The following NUMA1 variants were observed in gnomAD, a reference collection of about 807,000 sequenced individuals.
NUMA1 encodes nuclear mitotic apparatus protein 1.
NUMA1 carries 62 observed loss-of-function variants against 237.1 expected under a neutral mutation model. The observed-to-expected ratio is 0.26, with a 90% CI of 0.21 to 0.32. The LOEUF (loss-of-function observed/expected upper bound fraction) is 0.32, where lower values mean the gene tolerates loss of function less well. NUMA1 is among the 10% of genes least tolerant of loss of function. The pLI is 1.00. For synonymous variants in NUMA1, 1,028 were observed against 1,066.1 expected, an observed-to-expected ratio of 0.96 and a Z score of 0.70; for missense variants, 2,533 against 2,666.5, an observed-to-expected ratio of 0.95 and a Z score of 1.10.
chr11:72,013,031 A>G lies in NUMA1; in HGVS notation c.4472T>C (p.Leu1491Pro). The G allele has an allele frequency of 6.2e-7, 1 of 1,614,206 alleles. No individual in the cohort carries two copies. The highest frequency in any genetic ancestry group is 1.1e-5 in the South Asian group (1 of 91,082). ...AAVRADAETRLAEVQREAQST... is the reference protein window; with the variant it reads ...AAVRADAETRPAEVQREAQST... ...CTGTGCTTCTCGCTGCACCTCAGCC[A>G]GACGGGTCTCAGCATCAGCACGTAC... The change falls in exon 15 of 27, where the codon CTG (leucine) becomes CCG (proline). Residue 1491 changes from leucine (L) to proline (P), a missense_variant. By Grantham distance (98) the Leu-to-Pro change is moderately conservative. This residue lies in a region of NUMA1 where 324 missense variants were observed against 407.6 expected (regional missense o/e 0.79). Transcript: ENST00000393695. This position sits in a 1 kb window ranked among gnomAD's most constrained non-coding sequence, Gnocchi z 6.8.
At chr11:72,004,549 G>T (rs1259828250) in intron 24 of NUMA1, 91 bp downstream of exon 24, 1 of 1,358,056 alleles carries the variant, frequency 7.4e-7, no homozygotes, top group Non-Finnish European at 1.0e-6. Flanking sequence ...GGAAGTGAGG[G>T]AAGGAGAGAG....
intron 2 of NUMA1, among the ~76,000 whole-genome samples, chr11:72,038,685 G>A (rs1388322214): frequency 3.3e-5 from 5 of 152,056 alleles, no homozygotes; most frequent in South Asian, 4.2e-4. Flanking sequence ...CAGTACACTG[G>A]GTGATGCTGA....
At chr11:72,050,740 C>T (rs1160582066) in intron 2 of NUMA1, 1 of 152,260 alleles carries the variant, frequency 6.6e-6, no homozygotes, top group African/African-American at 2.4e-5. Flanking sequence ...CTCTCCAGCA[C>T]ATCTCAGCTA....
chr11:72,069,271 T>C (rs542428131), intron 2 of NUMA1, among the ~76,000 whole-genome samples: 2 of 152,352 alleles, frequency 1.3e-5, no homozygotes, highest in Admixed American at 6.5e-5. Flanking sequence ...TAACTGTCCC[T>C]TTTTACATAT....
intron 16 of NUMA1, among the ~76,000 whole-genome samples, chr11:72,011,190 G>A (rs79333819): frequency 0.029 from 4,351 of 152,206 alleles, 59 homozygotes; most frequent in East Asian, 0.073. Flanking sequence ...CCTTGCTGCC[G>A]CCACACTCTG....
At chr11:72,029,374 T>A in intron 3 of NUMA1, 84 bp from the exon 4 acceptor site, 1 of 797,304 alleles carries the variant, frequency 1.3e-6, no homozygotes, top group East Asian at 2.8e-5. Flanking sequence ...TGTGAGTGCT[T>A]ACAGTTGTAG....
At chr11:72,059,388 C>T (rs887673481) in intron 2 of NUMA1, among the ~76,000 whole-genome samples, 1 of 152,240 alleles carries the variant, frequency 6.6e-6, no homozygotes, top group Non-Finnish European at 1.5e-5. Flanking sequence ...GTGATCCTCC[C>T]ACCTCAGCCT....
At position 72,035,431 on chromosome 11, in the gene NUMA1, C is replaced by T. The variant is rs183560718; in HGVS notation, c.42+471G>A. Among the ~76,000 whole-genome samples, 6 of 150,090 alleles carry T rather than the reference C, an allele frequency of 4.0e-5. No homozygotes were observed. In the East Asian group the frequency reaches 5.9e-4, roughly 15 times the overall value. ...CTTTTTTTTTTTTAATTTTTTAGAC[C>T]GAGTCTTGCTCTGTTGCCCAGGCTG... On this transcript the variant is annotated intron_variant, in intron 3 of 26. Transcript: ENST00000393695.
At position 72,005,275 on chromosome 11, in the gene NUMA1, C is replaced by T. The variant is rs1358176688; in HGVS notation, c.5787G>A (p.Val1929=). 1.2e-6 allele frequency: 2 copies of T among 1,606,236 alleles called. No homozygotes were observed. Among genetic ancestry groups the T allele is most frequent in the African/African-American group, 1.3e-5 (1 of 74,540 alleles). ...RIAELQQRNR[V]CPPHLKTCYP... ...AGCAGGTCTTCAGATGTGGGGGGCA[C>T]ACTCGATTGCGCTGCTGCAGCTCTG... Residue 1929 remains valine (V), a synonymous_variant, in exon 23 of 27, where the codon GTG becomes GTA. Transcript: ENST00000393695.
rs1956334432 is a variant in NUMA1 at position 72,014,102 on chromosome 11, T to C, written c.3401A>G (p.Gln1134Arg). The part of the protein sequence containing the change: ...ALRAEVSKLE[Q>R]QCQKQQEQAD... ...CTGCTCCTGCTGCTTCTGGCATTGC[T>C]GTTCCAGCTTGCTCACCTCTGCCCG... The change falls in exon 15 of 27, where the codon CAG (glutamine) becomes CGG (arginine). Residue 1134 changes from glutamine to arginine, a missense_variant. Coordinates refer to ENST00000393695, the MANE Select transcript of NUMA1 (RefSeq NM_006185.4). The surrounding 1 kb of genome is among the most constrained non-coding windows in gnomAD (Gnocchi z 4.6). The C allele has an allele frequency of 6.2e-7, 1 of 1,611,480 alleles. No homozygotes were observed. The highest frequency in any genetic ancestry group is 8.5e-7 in the Non-Finnish European group (1 of 1,180,026).
intron 1 of NUMA1, among the ~76,000 whole-genome samples, chr11:72,075,453 T>TA (rs1943665341): frequency 6.6e-6 from 1 of 152,150 alleles, no homozygotes; most frequent in South Asian, 2.1e-4. Flanking sequence ...CAGCATCAGC[T>TA]AAGTAAGGCT....
At chr11:72,058,125 A>G (rs1942763042) in intron 2 of NUMA1, among the ~76,000 whole-genome samples, 3 of 152,182 alleles carry the variant, frequency 2.0e-5, no homozygotes, top group Non-Finnish European at 4.4e-5. Context: ...AGGAAACTTC[A>G]TTTCTTGCTT....
At chr11:72,066,021 C>G (rs528337477) in intron 2 of NUMA1, 2 of 152,274 alleles carry the variant, frequency 1.3e-5, no homozygotes, top group East Asian at 3.9e-4. Context: ...ATAGACAAGA[C>G]CGGGCCGGGC....
At chr11:72,077,813 C>CAAAAAA (rs374544097) in intron 1 of NUMA1, among the ~76,000 whole-genome samples, 4 of 26,710 alleles carry the variant, frequency 1.5e-4, no homozygotes, top group East Asian at 7.9e-4. Context: ...GACTCCATCT[C>CAAAAAA]AAAAAAAAAA....
At chr11:72,044,916 T>G (rs1378477108) in intron 2 of NUMA1, among the ~76,000 whole-genome samples, 1 of 152,110 alleles carries the variant, frequency 6.6e-6, no homozygotes, top group South Asian at 2.1e-4. Context: ...TCCGCCTGCC[T>G]CAGGCTCCCA....
intron 23 of NUMA1, 84 bp from the exon 24 acceptor site, chr11:72,004,900 C>G (rs758893820): frequency 2.3e-6 from 3 of 1,319,698 alleles, no homozygotes; most frequent in Admixed American, 2.7e-5. Context: ...ACTCTACACT[C>G]GCCCGACACT....
At chr11:72,031,486 C>T (rs1939245) in intron 3 of NUMA1, among the ~76,000 whole-genome samples, 135,384 of 152,204 alleles carry the variant, frequency 0.89, 60,466 homozygotes, top group Non-Finnish European at 0.95. Context: ...TTGAGTTAAA[C>T]ACTTTCACAT....
chr11:72,030,092 T>C (rs1940094373), intron 3 of NUMA1, among the ~76,000 whole-genome samples: 1 of 151,990 alleles, frequency 6.6e-6, no homozygotes, highest in Admixed American at 6.6e-5. Context: ...CCTAGCACTT[T>C]GGGAGGCTGA....
chr11:72,047,489 A>G (rs910023965), intron 2 of NUMA1, among the ~76,000 whole-genome samples: 1 of 152,088 alleles, frequency 6.6e-6, no homozygotes, highest in Non-Finnish European at 1.5e-5. Context: ...CACGTCTCAA[A>G]AAAAAACAAA....
Sources: gnomAD v4.1 joint callset for allele counts (sites outside exome capture counted in the v4.1 genomes callset) on GRCh38, gnomAD v4.1.1 for gene constraint, gnomAD v4.1.1 regional missense constraint, Gnocchi (gnomAD v3.1) non-coding constraint, MANE v1.5 for transcripts, NCBI Gene and HGNC (gene_info 2026-07-23, HGNC 2026-07-21) for gene names.